UPF1: variants seen among roughly 807,000 people sequenced by gnomAD.
The protein encoded by UPF1 is UPF1 RNA helicase and ATPase.
UPF1 carries 9 observed loss-of-function variants against 129.2 expected under a neutral mutation model. The observed-to-expected ratio is 0.07, with a 90% CI of 0.04 to 0.12. The LOEUF is 0.12. Ranked by LOEUF, UPF1 falls within the 10% of genes least tolerant of loss-of-function variation. The pLI, the probability that UPF1 is intolerant of heterozygous loss-of-function variation, is 1.00. For missense variants in UPF1, 788 were observed against 1,525.3 expected (o/e 0.52, Z 8.05); for synonymous variants, 649 against 644.9 (o/e 1.01, Z -0.10).
intron 1 of UPF1, among the ~76,000 whole-genome samples, chr19:18,839,248 T>C (rs956238600): frequency 6.6e-6 from 1 of 152,122 alleles, no homozygotes; most frequent in Non-Finnish European, 1.5e-5. Flanking sequence ...CGCACCACCA[T>C]GCCCAACTAA....
At chr19:18,843,717 TTGTGTGTGTGTGTGTGTGTG>T (rs72080135) in intron 1 of UPF1, among the ~76,000 whole-genome samples, 9 of 143,994 alleles carry the variant, frequency 6.3e-5, no homozygotes, top group Non-Finnish European at 1.4e-4. Context: ...TTGGCCAGGC[TTGTGTGTGTGTGTGTGTGTG>T]TGTGTGTGTG....
chr19:18,838,750 A>G (rs557084019), intron 1 of UPF1, among the ~76,000 whole-genome samples: 1 of 152,232 alleles, frequency 6.6e-6, no homozygotes, highest in African/African-American at 2.4e-5. Flanking sequence ...GATGCCGTTT[A>G]CCTGGAGGAG....
intron 11 of UPF1, 23 bp downstream of exon 11, chr19:18,855,265 G>T: frequency 6.2e-7 from 1 of 1,605,402 alleles, no homozygotes; most frequent in South Asian, 1.1e-5. Flanking sequence ...CGGCCCTTGC[G>T]GGCAAGACCC....
At chr19:18,864,818 C>T (rs2055823731) in intron 20 of UPF1, among the ~76,000 whole-genome samples, 1 of 141,698 alleles carries the variant, frequency 7.1e-6, no homozygotes, top group Non-Finnish European at 1.5e-5. Flanking sequence ...TGGCTCACTG[C>T]AACCTCCCCC....
chr19:18,852,598 C>G (rs1309310498), intron 6 of UPF1, among the ~76,000 whole-genome samples: 2 of 152,180 alleles, frequency 1.3e-5, no homozygotes, highest in Non-Finnish European at 2.9e-5. Context: ...GTGAAGACCA[C>G]ATTTAGGCAA....
Position 18,851,921 on chromosome 19 carries a change from C to T in UPF1, c.811-214C>T, listed in dbSNP as rs1024700955. Among the ~76,000 whole-genome samples, 8 of 152,220 alleles carry T rather than the reference C, an allele frequency of 5.3e-5. No individual in the cohort carries two copies. The highest frequency in any genetic ancestry group is 1.7e-4 in the African/African-American group (7 of 41,458). On this transcript the variant is annotated intron_variant, in intron 5 of 23. Transcript: ENST00000262803. This position sits in a 1 kb window ranked among gnomAD's most constrained non-coding sequence, Gnocchi z 4.2. ...GCAGCAGCTGAGGCCCAGGCATGGG[C>T]CAGGCCGGTGTGCAGCTCCCTGTGT...
chr19:18,837,195 T>G (rs1366757824), intron 1 of UPF1, among the ~76,000 whole-genome samples: 1 of 152,100 alleles, frequency 6.6e-6, no homozygotes, highest in African/African-American at 2.4e-5. Context: ...GCTCAAGCGA[T>G]CCTTCCACCT....
chr19:18,863,412 T>C, intron 18 of UPF1, 26 bp from the exon 19 acceptor site: 1 of 1,604,282 alleles, frequency 6.2e-7, no homozygotes. Flanking sequence ...TCCACCTGCG[T>C]CCTCAGCACT....
At chr19:18,852,053 T>G in intron 5 of UPF1, 82 bp from the exon 6 acceptor site, 1 of 1,465,360 alleles carries the variant, frequency 6.8e-7, no homozygotes, top group African/African-American at 1.4e-5. Flanking sequence ...GTGTGCTCCA[T>G]CCCTCTGGTG....
chr19:18,865,277 T>C lies in UPF1; in HGVS notation c.2858-12T>C. 1 of 1,596,214 alleles carries C rather than the reference T, an allele frequency of 6.3e-7. No homozygotes were observed. Among genetic ancestry groups the C allele is most frequent in the Non-Finnish European group, 8.6e-7 (1 of 1,165,966 alleles). ...GCAGGTGACACCTGCCGTGTTCCAC[T>C]GTGATTTGCAGGCCGGCCTTCCAGC... is the stretch of plus-strand genomic sequence containing the variant. On this transcript the variant is annotated splice_polypyrimidine_tract_variant and intron_variant, in intron 20 of 23. Transcript: ENST00000262803. This position sits in a 1 kb window ranked among gnomAD's most constrained non-coding sequence, Gnocchi z 6.1.
chr19:18,861,883 G>A, intron 17 of UPF1, 127 bp from the exon 18 acceptor site: 1 of 1,285,868 alleles, frequency 7.8e-7, no homozygotes, highest in Non-Finnish European at 1.1e-6. Context: ...CCTAGGTGCG[G>A]TGAGCAGGCG....
intron 8 of UPF1, among the ~76,000 whole-genome samples, chr19:18,854,304 G>A (rs1226028778): frequency 6.6e-6 from 1 of 152,204 alleles, no homozygotes; most frequent in Non-Finnish European, 1.5e-5. Flanking sequence ...TGGCTTCGCT[G>A]CCGCCCTCTG....
intron 2 of UPF1, 114 bp from the exon 3 acceptor site, chr19:18,847,630 A>T: frequency 1.1e-6 from 1 of 904,800 alleles, no homozygotes; most frequent in East Asian, 2.6e-5. Flanking sequence ...GGGGTTGAGT[A>T]TGTGTTTAAT....
chr19:18,864,400 C>T, intron 20 of UPF1, 149 bp downstream of exon 20: 1 of 645,678 alleles, frequency 1.5e-6, no homozygotes, highest in Non-Finnish European at 2.7e-6. Flanking sequence ...CCTAGGGCAT[C>T]TCTAGCCCCG....
chr19:18,837,193 G>A (rs1307292581), intron 1 of UPF1, among the ~76,000 whole-genome samples: 1 of 151,966 alleles, frequency 6.6e-6, no homozygotes, highest in Non-Finnish European at 1.5e-5. Flanking sequence ...GGGCTCAAGC[G>A]ATCCTTCCAC....
intron 1 of UPF1, among the ~76,000 whole-genome samples, chr19:18,845,001 G>A (rs1427710697): frequency 3.3e-5 from 5 of 152,250 alleles, no homozygotes; most frequent in African/African-American, 7.2e-5. Flanking sequence ...CCAGCCAGGC[G>A]GGCTGGAGGG....
intron 11 of UPF1, chr19:18,855,708 G>C (rs2055709602): frequency 3.2e-6 from 2 of 629,784 alleles, no homozygotes; most frequent in Non-Finnish European, 5.3e-6. Flanking sequence ...ATTAGCTGGG[G>C]GTAGTGGCGT....
rs538807946 is a variant in UPF1, at chr19:18,865,161, G to T, written c.2858-128G>T. On this transcript the variant is annotated intron_variant, in intron 20 of 23. Transcript: ENST00000262803. This position sits in a 1 kb window ranked among gnomAD's most constrained non-coding sequence, Gnocchi z 6.1. ...AGTTAACATGGAGTCCTGCGAATCCGCATCTTCAGCCTGGGCAGAGCCAGG... is the reference window on the plus strand; with the variant it reads ...AGTTAACATGGAGTCCTGCGAATCCTCATCTTCAGCCTGGGCAGAGCCAGG... 5 of 1,220,196 alleles carry T rather than the reference G, an allele frequency of 4.1e-6. No homozygotes were observed. The highest frequency in any genetic ancestry group is 5.6e-6 in the Non-Finnish European group (5 of 889,608). The allele number at this position is 1,220,196 out of a possible 1,614,324, so 75.6% of individuals were successfully genotyped here. A position where few individuals can be genotyped will look rare whatever the true frequency, so the allele number is the denominator to read the frequency against.
intron 1 of UPF1, among the ~76,000 whole-genome samples, chr19:18,834,604 A>G (rs922165692): frequency 4.6e-5 from 7 of 151,988 alleles, no homozygotes; most frequent in African/African-American, 1.5e-4. Flanking sequence ...CAGATGCCCC[A>G]CCCACCTGTT....
Sources: allele counts gnomAD v4.1 joint callset (sites outside exome capture counted in the v4.1 genomes callset), GRCh38; gene constraint gnomAD v4.1.1; non-coding constraint Gnocchi (gnomAD v3.1); transcripts MANE v1.5; gene names NCBI Gene and HGNC (gene_info 2026-07-23, HGNC 2026-07-21).